The following DLG2 variants were observed in gnomAD, a reference collection of about 807,000 sequenced individuals.
DLG2 encodes disks large homolog 2.
Under a neutral mutation model 132.5 loss-of-function variants are expected in DLG2, and 45 were observed. The ratio of observed to expected loss-of-function variants is 0.34; its 90% confidence interval spans 0.27 to 0.44. The LOEUF (loss-of-function observed/expected upper bound fraction) is 0.44. Ranked by LOEUF, DLG2 falls within the 20% of genes least tolerant of loss-of-function variation. The pLI, the probability that DLG2 is intolerant of heterozygous loss-of-function variation, is 1.00. For synonymous variants in DLG2, 424 were observed against 419.6 expected, an observed-to-expected ratio of 1.01 and a Z score of -0.13; for missense variants, 1,045 against 1,196.9, an observed-to-expected ratio of 0.87 and a Z score of 1.87.
At chr11:85,037,655 T>A (rs770990212) in intron 6 of DLG2, among the ~76,000 whole-genome samples, 1 of 152,142 alleles carries the variant, frequency 6.6e-6, no homozygotes, top group African/African-American at 2.4e-5. Flanking sequence ...AAAGTTAAAA[T>A]GTGGTGGGTT....
intron 7 of DLG2, among the ~76,000 whole-genome samples, chr11:84,299,102 G>C (rs549813587): frequency 6.6e-6 from 1 of 152,248 alleles, no homozygotes; most frequent in East Asian, 1.9e-4. Context: ...AAGCCCCCAA[G>C]AGCTTTGAAA....
At chr11:85,117,427 A>C (rs997802125) in intron 5 of DLG2, among the ~76,000 whole-genome samples, 1 of 152,018 alleles carries the variant, frequency 6.6e-6, no homozygotes, top group African/African-American at 2.4e-5. Flanking sequence ...TTCTATACAT[A>C]ATCAGCACTA....
intron 19 of DLG2, among the ~76,000 whole-genome samples, chr11:83,574,797 A>G (rs981480110): frequency 1.3e-5 from 2 of 152,198 alleles, no homozygotes; most frequent in Non-Finnish European, 2.9e-5. Context: ...GGATCCAGGG[A>G]CATGATACAG....
At chr11:84,738,642 G>T (rs1326957736) in intron 6 of DLG2, among the ~76,000 whole-genome samples, 5 of 152,122 alleles carry the variant, frequency 3.3e-5, no homozygotes, top group Non-Finnish European at 7.4e-5. Context: ...GTGTTGATGA[G>T]GATGTGGAGG....
At chr11:84,824,704 T>G (rs2078115107) in intron 6 of DLG2, among the ~76,000 whole-genome samples, 1 of 151,754 alleles carries the variant, frequency 6.6e-6, no homozygotes, top group South Asian at 2.1e-4. Context: ...CTCTTCAGAG[T>G]TGCTTGATGC....
intron 18 of DLG2, among the ~76,000 whole-genome samples, chr11:83,740,144 C>T (rs187704334): frequency 4.7e-4 from 71 of 152,296 alleles, no homozygotes; most frequent in South Asian, 1.7e-3. Flanking sequence ...CTAATACATA[C>T]TCTACATTCC....
chr11:85,508,652 G>A (rs192416880), intron 3 of DLG2, among the ~76,000 whole-genome samples: 24 of 151,982 alleles, frequency 1.6e-4, no homozygotes, highest in South Asian at 1.2e-3. Context: ...CAAATTATAC[G>A]CACCCAATAG....
intron 8 of DLG2, among the ~76,000 whole-genome samples, chr11:84,198,692 G>A (rs1270843871): frequency 6.6e-6 from 1 of 152,110 alleles, no homozygotes; most frequent in East Asian, 1.9e-4. Context: ...ATTATAAAGT[G>A]GAGTGCTAAC....
intron 11 of DLG2, among the ~76,000 whole-genome samples, chr11:84,010,190 C>G (rs2094805032): frequency 6.6e-6 from 1 of 151,944 alleles, no homozygotes. Flanking sequence ...ACACACGTTG[C>G]TAAATTTTAG....
At chr11:84,141,543 A>T (rs2094845754) in intron 9 of DLG2, among the ~76,000 whole-genome samples, 1 of 152,148 alleles carries the variant, frequency 6.6e-6, no homozygotes, top group African/African-American at 2.4e-5. Flanking sequence ...TAGTGATAAA[A>T]TGCCAAATGA....
chr11:84,123,444 T>C (rs2094019004), intron 9 of DLG2, among the ~76,000 whole-genome samples: 1 of 152,188 alleles, frequency 6.6e-6, no homozygotes, highest in Non-Finnish European at 1.5e-5. Flanking sequence ...AATCCTCCAT[T>C]AACCCTGGAT....
chr11:84,544,859 G>A (rs964568389), intron 6 of DLG2, among the ~76,000 whole-genome samples: 3 of 152,140 alleles, frequency 2.0e-5, no homozygotes, highest in South Asian at 2.1e-4. Context: ...AAAAGTGGTC[G>A]CTAAAAGTGA....
At chr11:85,365,975 C>A (rs961291326) in intron 3 of DLG2, among the ~76,000 whole-genome samples, 1 of 152,148 alleles carries the variant, frequency 6.6e-6, no homozygotes, top group Non-Finnish European at 1.5e-5. Flanking sequence ...GGAGAAACAC[C>A]TAATGTCAGG....
At chr11:84,082,859 C>T (rs2096924152) in intron 10 of DLG2, among the ~76,000 whole-genome samples, 1 of 152,064 alleles carries the variant, frequency 6.6e-6, no homozygotes, top group African/African-American at 2.4e-5. Flanking sequence ...GAGAGACATG[C>T]TAGATGTTAT....
intron 21 of DLG2, among the ~76,000 whole-genome samples, chr11:83,529,076 C>A (rs1001771337): frequency 1.3e-5 from 2 of 152,132 alleles, no homozygotes; most frequent in Non-Finnish European, 2.9e-5. Flanking sequence ...GGGCAGTAAC[C>A]TTGGCTTTCA....
chr11:83,718,625 A>G (rs919108636), intron 18 of DLG2, among the ~76,000 whole-genome samples: 5 of 152,056 alleles, frequency 3.3e-5, no homozygotes, highest in Non-Finnish European at 5.9e-5. Context: ...GATTGAGGAA[A>G]TGACAATGGG....
chr11:84,851,409 G>T (rs866636912), intron 6 of DLG2, among the ~76,000 whole-genome samples: 7 of 152,040 alleles, frequency 4.6e-5, no homozygotes, highest in Non-Finnish European at 7.4e-5. Context: ...CTTGACATAT[G>T]GTTCTCTCAG....
At chr11:84,196,286 A>G (rs1182562872) in intron 8 of DLG2, among the ~76,000 whole-genome samples, 1 of 152,224 alleles carries the variant, frequency 6.6e-6, no homozygotes, top group African/African-American at 2.4e-5. Flanking sequence ...AACAACTTAC[A>G]ATCAATGTCA....
rs188008266 is a variant in DLG2, at chr11:85,428,922, G to A, written c.41-143557C>T. 4.2e-3 allele frequency among the ~76,000 whole-genome samples: 643 copies of A among 151,778 alleles called. 2 individuals carry two copies. Among genetic ancestry groups the A allele is most frequent in the Non-Finnish European group, 6.8e-3 (463 of 67,872 alleles). The stretch of plus-strand genomic sequence containing the variant: ...GAAAAGAGAGAAGAATTAAATAGAC[G>A]CAATAAAAAATGATAAAGGGGATAT... On this transcript the variant is annotated intron_variant, in intron 3 of 27. Coordinates refer to ENST00000376104, the MANE Select transcript of DLG2 (RefSeq NM_001142699.3).
Sources: allele counts gnomAD v4.1 joint callset (sites outside exome capture counted in the v4.1 genomes callset), GRCh38; gene constraint gnomAD v4.1.1; transcripts MANE v1.5; gene names NCBI Gene and HGNC (gene_info 2026-07-23, HGNC 2026-07-21).